Variants in VPS53 observed in about 807,000 individuals in gnomAD.
VPS53 encodes VPS53 subunit of GARP complex.
A neutral mutation model predicts 107.0 loss-of-function variants in VPS53; 70 were observed. That is an observed-to-expected ratio of 0.65 (90% CI 0.54 to 0.80). The LOEUF is 0.80. VPS53 is among the 30% of genes least tolerant of loss of function. The probability of loss-of-function intolerance (pLI) is 0.00; values close to 1 mark genes in which losing one functional copy is unlikely to be tolerated. For missense variants in VPS53, 917 were observed against 1,049.4 expected (o/e 0.87, Z 1.74); for synonymous variants, 409 against 393.3 (o/e 1.04, Z -0.47).
At chr17:540,363 A>G (rs1377662898) in intron 17 of VPS53, 1 of 151,678 alleles carries the variant, frequency 6.6e-6, no homozygotes, top group Non-Finnish European at 1.5e-5. Context: ...AAAAAAATAT[A>G]TTTTTTTCTT....
At chr17:526,103 A>C (rs1440941109) in intron 19 of VPS53, among the ~76,000 whole-genome samples, 1 of 151,558 alleles carries the variant, frequency 6.6e-6, no homozygotes, top group East Asian at 1.9e-4. Flanking sequence ...TTTTCTGTAC[A>C]TTAATTAACT....
At chr17:540,525 G>C (rs940644799) in intron 17 of VPS53, 1 of 151,950 alleles carries the variant, frequency 6.6e-6, no homozygotes, top group African/African-American at 2.4e-5. Flanking sequence ...TTTCAAAAAA[G>C]GAAACAAACA....
At chr17:706,410 G>T (rs1390951293) in intron 2 of VPS53, among the ~76,000 whole-genome samples, 1 of 151,664 alleles carries the variant, frequency 6.6e-6, no homozygotes, top group Admixed American at 6.6e-5. Flanking sequence ...GGTGGCGCGT[G>T]TCTGTAAACT....
At chr17:546,592 C>T (rs752800692) in intron 17 of VPS53, among the ~76,000 whole-genome samples, 8 of 152,186 alleles carry the variant, frequency 5.3e-5, no homozygotes, top group African/African-American at 1.7e-4. Context: ...ATATACAAAT[C>T]GCCAGTAGCA....
At chr17:594,200 C>A (rs1057201075) in intron 12 of VPS53, among the ~76,000 whole-genome samples, 3 of 152,136 alleles carry the variant, frequency 2.0e-5, no homozygotes, top group African/African-American at 7.2e-5. Context: ...GGGAGATATA[C>A]CTAATGCCCT....
intron 12 of VPS53, among the ~76,000 whole-genome samples, chr17:592,712 G>A (rs1248095204): frequency 6.6e-6 from 1 of 152,090 alleles, no homozygotes; most frequent in Admixed American, 6.6e-5. Flanking sequence ...TTGAATATTG[G>A]CCACCACTCT....
At position 524,423 on chromosome 17, in the gene VPS53, AC is replaced by A. The variant is rs1908973276; in HGVS notation, c.2086-2686del. 6.6e-6 allele frequency among the ~76,000 whole-genome samples: 1 copy of A among 152,248 alleles called. No individual in the cohort carries two copies. The highest frequency in any genetic ancestry group is 1.5e-5 in the Non-Finnish European group (1 of 68,046). On this transcript the variant is annotated intron_variant, in intron 19 of 21. Coordinates refer to ENST00000437048, the MANE Select transcript of VPS53 (RefSeq NM_001128159.3). This position sits in a 1 kb window ranked among gnomAD's most constrained non-coding sequence, Gnocchi z 4.5. ...ATGAAAGGCATCTATATCAGAAGAA[AC>A]AAACAAAGTAAAAGACAAGACATAA...
At position 635,698 on chromosome 17, in the gene VPS53, G is replaced by A. The variant is rs535229254; in HGVS notation, c.609-4070C>T. ...TTTTTGTCAGGTTTGTCAAAGATCA[G>A]ATGGTTGTAGATGTGTGGTATTATT... On this transcript the variant is annotated intron_variant, in intron 7 of 21. Coordinates refer to ENST00000437048, the MANE Select transcript of VPS53 (RefSeq NM_001128159.3). 9.9e-3 allele frequency among the ~76,000 whole-genome samples: 1,515 copies of A among 152,318 alleles called. 26 individuals carry two copies. Among genetic ancestry groups the A allele is most frequent in the African/African-American group, 0.034 (1,417 of 41,566 alleles).
chr17:636,557 CATAG>C (rs1349811485), intron 7 of VPS53, among the ~76,000 whole-genome samples: 1 of 152,146 alleles, frequency 6.6e-6, no homozygotes, highest in Non-Finnish European at 1.5e-5. Flanking sequence ...GTGGGTTTGT[CATAG>C]ATAGCTCTTA....
At chr17:564,809 T>G (rs1913341715) in intron 13 of VPS53, among the ~76,000 whole-genome samples, 1 of 152,182 alleles carries the variant, frequency 6.6e-6, no homozygotes, top group African/African-American at 2.4e-5. Flanking sequence ...TTTTCTCCGA[T>G]TTCCCATTCA....
chr17:530,099 T>TA (rs914342108), intron 19 of VPS53, among the ~76,000 whole-genome samples: 1 of 151,876 alleles, frequency 6.6e-6, no homozygotes, highest in African/African-American at 2.4e-5. Context: ...AAATATATTT[T>TA]AAAACACTTT....
chr17:686,827 A>T lies in VPS53; in HGVS notation c.285+10591T>A, dbSNP rs150066603. Among the ~76,000 whole-genome samples, 7 of 152,302 alleles carry T rather than the reference A, an allele frequency of 4.6e-5. No individual in the cohort carries two copies. The East Asian group carries it at 1.2e-3, about 25-fold the overall frequency. ...TTTACTAAACATGAGTGAGCCCAAC[A>T]TTGTGCAAAAAAGGTGTTTTAAAAT... On this transcript the variant is annotated intron_variant, in intron 4 of 21. Coordinates refer to ENST00000437048, the MANE Select transcript of VPS53 (RefSeq NM_001128159.3).
chr17:545,690 AG>A, intron 17 of VPS53, among the ~76,000 whole-genome samples: 1 of 152,228 alleles, frequency 6.6e-6, no homozygotes, highest in Non-Finnish European at 1.5e-5. Context: ...ACTACAGTTA[AG>A]CAAGTACTGT....
intron 4 of VPS53, chr17:675,781 A>AC (rs1175805210): frequency 1.3e-5 from 2 of 151,782 alleles, no homozygotes; most frequent in East Asian, 3.9e-4. Flanking sequence ...AAAAAAAAAA[A>AC]AAAAAAAACT....
rs566422281 is a variant in VPS53, at chr17:554,263, C to T, written c.1705-801G>A. Among the ~76,000 whole-genome samples the T allele has an allele frequency of 8.5e-5, 13 of 152,232 alleles. No homozygotes were observed. The East Asian group carries it at 1.2e-3, about 14-fold the overall frequency. On this transcript the variant is annotated intron_variant, in intron 15 of 21. Transcript: ENST00000437048. Reference sequence around the variant, plus strand: ...GTCCCTGCCATCATCAGCCGACAGCCGGGGACAGAAACACTCAACACGCTC... The same window carrying T: ...GTCCCTGCCATCATCAGCCGACAGCTGGGGACAGAAACACTCAACACGCTC...
intron 4 of VPS53, among the ~76,000 whole-genome samples, chr17:689,047 G>C (rs1211432237): frequency 6.6e-6 from 1 of 152,234 alleles, no homozygotes; most frequent in African/African-American, 2.4e-5. Flanking sequence ...GTATGTTTTA[G>C]TAGGAAGAAG....
rs147605588 is a variant in VPS53 at position 526,099 on chromosome 17, G to A, written c.2086-4361C>T. On this transcript the variant is annotated intron_variant, in intron 19 of 21. Transcript: ENST00000437048. ...GTTACTGTTTTTTACATTATTTTCTGTACATTAATTAACTGGAATTTTTGT... is the reference window on the plus strand; with the variant it reads ...GTTACTGTTTTTTACATTATTTTCTATACATTAATTAACTGGAATTTTTGT... Among the ~76,000 whole-genome samples, 79 of 146,986 alleles carry A rather than the reference G, an allele frequency of 5.4e-4. No homozygotes were observed. In the East Asian group the frequency reaches 0.013, roughly 24 times the overall value.
rs763511978 is a variant in VPS53 at position 562,573 on chromosome 17, C to T, written c.1486G>A (p.Ala496Thr). 22 of 1,613,692 alleles carry T rather than the reference C, an allele frequency of 1.4e-5. No homozygotes were observed. Among genetic ancestry groups the T allele is most frequent in the South Asian group, 2.2e-5 (2 of 91,046 alleles). ...SQLSTGEPMI[A>T]LTTIFQKYLR... ...TACTTCTGGAAAATGGTGGTCAGGG[C>T]GATCATGGGCTCCCCAGTACTGAGC... Residue 496 changes from alanine to threonine, a missense_variant, in exon 14 of 22, where the codon GCC becomes ACC. Coordinates refer to ENST00000437048, the MANE Select transcript of VPS53 (RefSeq NM_001128159.3).
At chr17:657,182 C>T (rs1346692940) in intron 5 of VPS53, 8 of 1,528,634 alleles carry the variant, frequency 5.2e-6, no homozygotes, top group Non-Finnish European at 4.5e-6. Context: ...TGAGGGATTC[C>T]TTTTGTGCCC....
Sources: gnomAD v4.1 joint callset for allele counts (sites outside exome capture counted in the v4.1 genomes callset) on GRCh38, gnomAD v4.1.1 for gene constraint, Gnocchi (gnomAD v3.1) non-coding constraint, MANE v1.5 for transcripts, NCBI Gene and HGNC (gene_info 2026-07-23, HGNC 2026-07-21) for gene names.